Variants in PLXNA4 observed in about 807,000 individuals in gnomAD.
PLXNA4 encodes the protein plexin A4.
A neutral mutation model predicts 191.8 loss-of-function variants in PLXNA4; 44 were observed. The observed-to-expected ratio is 0.23, with a 90% CI of 0.18 to 0.29. PLXNA4 has a LOEUF of 0.29. Ranked by LOEUF, PLXNA4 falls within the 10% of genes least tolerant of loss-of-function variation. The probability of loss-of-function intolerance (pLI) is 1.00; values close to 1 mark genes in which losing one functional copy is unlikely to be tolerated. For synonymous variants in PLXNA4, 1,082 were observed against 1,009.5 expected, an observed-to-expected ratio of 1.07 and a Z score of -1.36; for missense variants, 1,800 against 2,488.8, an observed-to-expected ratio of 0.72 and a Z score of 5.89.
At chr7:132,162,707 C>T (rs757752784) in intron 24 of PLXNA4, among the ~76,000 whole-genome samples, 1 of 151,990 alleles carries the variant, frequency 6.6e-6, no homozygotes, top group Non-Finnish European at 1.5e-5. Context: ...CGGTAACTGC[C>T]AGAAAGCAGG....
In PLXNA4 at chr7:132,620,913, A is replaced by T. The variant is rs533310604; in HGVS notation, c.-87+25015T>A. Among the ~76,000 whole-genome samples the T allele has an allele frequency of 4.9e-4, 74 of 152,290 alleles. No individual in the cohort carries two copies. In the Middle Eastern group the frequency reaches 0.01, roughly 21 times the overall value. ...CCAAGATCCAAGTTCTGACCAATTT[A>T]GTATCCAGTAAAGGCCTGCTTCTTG... On this transcript the variant is annotated intron_variant, in intron 2 of 4. Transcript: ENST00000378539.
chr7:132,282,466 T>C (rs986322176), intron 4 of PLXNA4, among the ~76,000 whole-genome samples: 1 of 151,790 alleles, frequency 6.6e-6, no homozygotes, highest in South Asian at 2.1e-4. Flanking sequence ...CTGCATGCCC[T>C]GATGCACACC....
intron 2 of PLXNA4, among the ~76,000 whole-genome samples, chr7:132,590,428 T>C (rs766064842): frequency 1.7e-4 from 26 of 152,132 alleles, no homozygotes; most frequent in Non-Finnish European, 3.2e-4. Context: ...AGTGCCACAA[T>C]AGGCCATCTG....
intron 4 of PLXNA4, among the ~76,000 whole-genome samples, chr7:132,274,286 A>G (rs1584932371): frequency 6.6e-6 from 1 of 151,122 alleles, no homozygotes; most frequent in South Asian, 2.1e-4. Context: ...ATATATATGT[A>G]TATATTTCTA....
chr7:132,639,291 G>T (rs1296070241), intron 2 of PLXNA4, among the ~76,000 whole-genome samples: 1 of 152,226 alleles, frequency 6.6e-6, no homozygotes, highest in African/African-American at 2.4e-5. Context: ...CTATAGCAGG[G>T]TAGTCTGTGC....
chr7:132,152,419 A>C (rs1285276388), intron 25 of PLXNA4, among the ~76,000 whole-genome samples: 1 of 152,158 alleles, frequency 6.6e-6, no homozygotes, highest in Admixed American at 6.5e-5. Context: ...GCCCTCTGTG[A>C]GGGCGGTATC....
chr7:132,348,074 T>C (rs1184476876), intron 3 of PLXNA4, among the ~76,000 whole-genome samples: 3 of 151,972 alleles, frequency 2.0e-5, no homozygotes, highest in African/African-American at 7.3e-5. Flanking sequence ...GGGCAGGAGG[T>C]GTCAGATATC....
chr7:132,386,356 G>T (rs1315913203), intron 3 of PLXNA4, among the ~76,000 whole-genome samples: 1 of 152,178 alleles, frequency 6.6e-6, no homozygotes, highest in African/African-American at 2.4e-5. Flanking sequence ...CCAAATGACC[G>T]CTGGTCAAAC....
chr7:132,387,130 T>C (rs556207957), intron 3 of PLXNA4, among the ~76,000 whole-genome samples: 1 of 152,362 alleles, frequency 6.6e-6, no homozygotes, highest in Admixed American at 6.5e-5. Context: ...ACAGAGTATA[T>C]GCTGAATTGC....
chr7:132,187,254 G>A (rs62469718), intron 15 of PLXNA4, among the ~76,000 whole-genome samples: 8,090 of 152,086 alleles, frequency 0.053, 232 homozygotes, highest in South Asian at 0.075. Context: ...ATACAACTCC[G>A]ATCTCCCATT....
chr7:132,408,162 T>C (rs1056353885), intron 3 of PLXNA4, among the ~76,000 whole-genome samples: 1 of 152,214 alleles, frequency 6.6e-6, no homozygotes, highest in Non-Finnish European at 1.5e-5. Context: ...TGTATTTGCA[T>C]AATAGAATAT....
chr7:132,595,310 C>T (rs537495059), intron 2 of PLXNA4, among the ~76,000 whole-genome samples: 1 of 152,078 alleles, frequency 6.6e-6, no homozygotes, highest in Non-Finnish European at 1.5e-5. Flanking sequence ...CATGGTATCC[C>T]CAATATTGGA....
chr7:132,155,728 T>TG (rs574343398), intron 25 of PLXNA4, among the ~76,000 whole-genome samples: 366 of 152,264 alleles, frequency 2.4e-3, no homozygotes, highest in African/African-American at 8.2e-3. Flanking sequence ...CACATTGCAG[T>TG]GAAGGTGGGC....
intron 4 of PLXNA4, among the ~76,000 whole-genome samples, chr7:132,255,763 C>A (rs533659873): frequency 1.3e-5 from 2 of 152,310 alleles, no homozygotes; most frequent in African/African-American, 4.8e-5. Flanking sequence ...CCAGAACTTT[C>A]CAACCAGTTC....
chr7:132,568,066 C>T (rs544807705), intron 1 of PLXNA4, among the ~76,000 whole-genome samples: 1 of 152,168 alleles, frequency 6.6e-6, no homozygotes, highest in South Asian at 2.1e-4. Flanking sequence ...CCCTAAAGGG[C>T]CTTCAAAGCA....
rs114144959 is a variant in PLXNA4 at position 132,499,705 on chromosome 7, C to T, written c.1188+7801G>A. Reference sequence around the variant, plus strand: ...GGCTGAGTTATGGGGTAGGTCATTCCCTCATTAGTGGAAATAAATTTTATT... The same window carrying T: ...GGCTGAGTTATGGGGTAGGTCATTCTCTCATTAGTGGAAATAAATTTTATT... On this transcript the variant is annotated intron_variant, in intron 2 of 31. Transcript: ENST00000321063. Among the ~76,000 whole-genome samples the T allele has an allele frequency of 6.6e-3, 1,007 of 152,270 alleles. 13 individuals carry two copies. The highest frequency in any genetic ancestry group is 0.023 in the African/African-American group (957 of 41,560).
intron 2 of PLXNA4, among the ~76,000 whole-genome samples, chr7:132,626,531 C>T (rs1006816609): frequency 2.0e-5 from 3 of 152,058 alleles, no homozygotes; most frequent in African/African-American, 7.2e-5. Flanking sequence ...AGTGAGCCCT[C>T]GTGAGAGCTG....
intron 3 of PLXNA4, among the ~76,000 whole-genome samples, chr7:132,345,080 T>A (rs1803191862): frequency 6.6e-6 from 1 of 152,194 alleles, no homozygotes; most frequent in African/African-American, 2.4e-5. Context: ...AGATCATAGA[T>A]CTTTAGTTCT....
intron 4 of PLXNA4, among the ~76,000 whole-genome samples, chr7:132,284,666 G>C (rs1235809668): frequency 6.6e-6 from 1 of 152,172 alleles, no homozygotes; most frequent in Admixed American, 6.5e-5. Context: ...GCCGATGGAG[G>C]CCTCCTGGTC....
Sources: allele counts gnomAD v4.1 joint callset (sites outside exome capture counted in the v4.1 genomes callset), GRCh38; gene constraint gnomAD v4.1.1; transcripts MANE v1.5; gene names NCBI Gene and HGNC (gene_info 2026-07-23, HGNC 2026-07-21).